CBFA2T3: variants seen among roughly 807,000 people sequenced by gnomAD.
CBFA2T3 encodes the protein CBFA2/RUNX1 partner transcriptional co-repressor 3.
CBFA2T3 carries 31 observed loss-of-function variants against 58.6 expected under a neutral mutation model. That is an observed-to-expected ratio of 0.53 (90% CI 0.40 to 0.71). The LOEUF (loss-of-function observed/expected upper bound fraction) is 0.71. Ranked by LOEUF, CBFA2T3 falls within the 30% of genes least tolerant of loss-of-function variation. The probability of loss-of-function intolerance (pLI) is 0.00; values close to 1 mark genes in which losing one functional copy is unlikely to be tolerated. For missense variants in CBFA2T3, 1,076 were observed against 963.1 expected (o/e 1.12, Z -1.55); for synonymous variants, 531 against 421.9 (o/e 1.26, Z -3.17).
chr16:88,968,827 C>T (rs534917578), intron 1 of CBFA2T3, among the ~76,000 whole-genome samples: 2 of 152,166 alleles, frequency 1.3e-5, no homozygotes, highest in South Asian at 2.1e-4. Flanking sequence ...GTGCGGTCAG[C>T]GGGTGGGGGC....
chr16:88,957,717 C>T (rs1005255212), intron 1 of CBFA2T3: 3 of 152,266 alleles, frequency 2.0e-5, no homozygotes, highest in Admixed American at 6.5e-5. Flanking sequence ...GACACACGCT[C>T]CAGTGGGGAT....
intron 1 of CBFA2T3, among the ~76,000 whole-genome samples, chr16:88,924,794 C>T (rs1410056884): frequency 6.6e-6 from 1 of 152,234 alleles, no homozygotes; most frequent in East Asian, 1.9e-4. Flanking sequence ...CAGGAAACCA[C>T]CTGTTGAATT....
chr16:88,892,821 A>G (rs775943307), intron 3 of CBFA2T3, among the ~76,000 whole-genome samples: 74 of 152,126 alleles, frequency 4.9e-4, no homozygotes, highest in Non-Finnish European at 3.8e-4. Context: ...GGCACCCACA[A>G]TGGTGGTGGC....
chr16:88,894,734 G>T (rs76421010), intron 3 of CBFA2T3, among the ~76,000 whole-genome samples: 1 of 151,898 alleles, frequency 6.6e-6, no homozygotes, highest in East Asian at 1.9e-4. Flanking sequence ...GTCTACGGGT[G>T]GGGGGCAGCT....
chr16:88,929,514 T>C (rs1971204603), intron 1 of CBFA2T3, among the ~76,000 whole-genome samples: 1 of 151,970 alleles, frequency 6.6e-6, no homozygotes, highest in African/African-American at 2.4e-5. Flanking sequence ...AATGAAGACA[T>C]TCATCCACAC....
intron 1 of CBFA2T3, among the ~76,000 whole-genome samples, chr16:88,968,155 G>C (rs1972560603): frequency 6.6e-6 from 1 of 152,226 alleles, no homozygotes; most frequent in Non-Finnish European, 1.5e-5. Flanking sequence ...AATAGGCCCA[G>C]AGAGGCACGC....
intron 1 of CBFA2T3, among the ~76,000 whole-genome samples, chr16:88,932,998 A>G (rs550122724): frequency 5.9e-5 from 9 of 151,930 alleles, no homozygotes; most frequent in African/African-American, 2.2e-4. Flanking sequence ...GAAAAGAAAA[A>G]TGGCCTCTTG....
At chr16:88,930,486 T>C (rs1037433643) in intron 1 of CBFA2T3, among the ~76,000 whole-genome samples, 3 of 151,940 alleles carry the variant, frequency 2.0e-5, no homozygotes, top group Non-Finnish European at 4.4e-5. Context: ...GTGGTCTTTC[T>C]GCACAGTGCA....
intron 1 of CBFA2T3, among the ~76,000 whole-genome samples, chr16:88,923,031 C>T (rs902735823): frequency 2.6e-5 from 4 of 152,320 alleles, no homozygotes; most frequent in East Asian, 1.9e-4. Context: ...AGGCCCCCAG[C>T]GCCCTCACCT....
In CBFA2T3 at chr16:88,953,591, G is replaced by T. The variant is rs1419586184; in HGVS notation, c.151+23066C>A. ...GGAATGTAGAGGCCTGGGGGCTCCC[G>T]GCTGGGGACAGTGCCAGCAGGAGTG... is the stretch of plus-strand genomic sequence containing the variant. On this transcript the variant is annotated intron_variant, in intron 1 of 11. Transcript: ENST00000268679. The surrounding 1 kb of genome is among the most constrained non-coding windows in gnomAD (Gnocchi z 4.9). 6.6e-6 allele frequency among the ~76,000 whole-genome samples: 1 copy of T among 152,156 alleles called. No homozygotes were observed. Among genetic ancestry groups the T allele is most frequent in the Admixed American group, 6.5e-5 (1 of 15,286 alleles).
intron 1 of CBFA2T3, among the ~76,000 whole-genome samples, chr16:88,913,406 G>C (rs1970591279): frequency 6.6e-6 from 1 of 152,252 alleles, no homozygotes; most frequent in Admixed American, 6.5e-5. Flanking sequence ...TGGTTGCTTT[G>C]AGCCACTGTT....
intron 1 of CBFA2T3, among the ~76,000 whole-genome samples, chr16:88,919,639 C>T (rs1317031480): frequency 6.6e-6 from 1 of 152,196 alleles, no homozygotes; most frequent in Non-Finnish European, 1.5e-5. Flanking sequence ...GCGGGTGTTC[C>T]CTCCCACCCA....
chr16:88,916,114 GTGTA>G (rs1469307940), intron 1 of CBFA2T3, among the ~76,000 whole-genome samples: 2 of 151,900 alleles, frequency 1.3e-5, no homozygotes, highest in African/African-American at 4.8e-5. Flanking sequence ...GTGTGTGTCC[GTGTA>G]TGTGTGCACT....
chr16:88,916,068 G>A (rs1467517045), intron 1 of CBFA2T3, among the ~76,000 whole-genome samples: 5 of 151,824 alleles, frequency 3.3e-5, no homozygotes, highest in Non-Finnish European at 5.9e-5. Context: ...GTGTGCATGT[G>A]TATTCATGCA....
At chr16:88,933,967 G>A (rs1031894272) in intron 1 of CBFA2T3, among the ~76,000 whole-genome samples, 8 of 152,146 alleles carry the variant, frequency 5.3e-5, no homozygotes, top group Non-Finnish European at 8.8e-5. Flanking sequence ...TACCTCAGTC[G>A]CTTAAAAATC....
rs773970003 is a variant in CBFA2T3, at chr16:88,901,633, C to T, written c.175G>A (p.Ala59Thr). Residue 59 changes from alanine to threonine, a missense_variant, in exon 2 of 12, where the codon GCC (alanine) becomes ACC (threonine). Transcript: ENST00000268679. Reference protein sequence around the residue: ...GPAPVDRKAKASAMPDSPAEV... With the variant: ...GPAPVDRKAKTSAMPDSPAEV... ...GCTGGGGAGTCCGGCATCGCTGAGG[C>T]CTTAGCTTTCCTGTCCACTGGGGCT... 1.2e-5 allele frequency: 19 copies of T among 1,531,890 alleles called. No homozygotes were observed. The highest frequency in any genetic ancestry group is 1.7e-5 in the Non-Finnish European group (19 of 1,150,700). 94.9% of individuals were successfully genotyped at this position (1,531,890 alleles called of 1,614,324 possible).
chr16:88,926,908 G>A (rs1026201230), intron 1 of CBFA2T3, among the ~76,000 whole-genome samples: 3 of 152,176 alleles, frequency 2.0e-5, no homozygotes, highest in African/African-American at 7.2e-5. Context: ...TCCGGCCCCC[G>A]CTGCCTCCCT....
intron 11 of CBFA2T3, among the ~76,000 whole-genome samples, chr16:88,878,212 C>T (rs1968916886): frequency 6.6e-6 from 1 of 152,272 alleles, no homozygotes; most frequent in African/African-American, 2.4e-5. Flanking sequence ...AAACTGCACG[C>T]CTCACTTCTG....
intron 1 of CBFA2T3, among the ~76,000 whole-genome samples, chr16:88,911,541 C>T (rs975562666): frequency 6.6e-6 from 1 of 152,244 alleles, no homozygotes; most frequent in Non-Finnish European, 1.5e-5. Context: ...ACCTCAGGCG[C>T]CCTCTCCCTG....
Sources: allele counts gnomAD v4.1 joint callset (sites outside exome capture counted in the v4.1 genomes callset), GRCh38; gene constraint gnomAD v4.1.1; non-coding constraint Gnocchi (gnomAD v3.1); transcripts MANE v1.5; gene names NCBI Gene and HGNC (gene_info 2026-07-23, HGNC 2026-07-21).